DYM: variants seen among roughly 807,000 people sequenced by gnomAD.
DYM encodes dyggve-Melchior-Clausen syndrome protein.
DYM carries 78 observed loss-of-function variants against 93.1 expected under a neutral mutation model. That is an observed-to-expected ratio of 0.84 (90% CI 0.70 to 1.01). DYM has a LOEUF of 1.01. Among genes scored for constraint, DYM ranks in the 50% least tolerant of loss-of-function variants. The pLI, the probability that DYM is intolerant of heterozygous loss-of-function variation, is 0.00. For missense variants in DYM, 789 were observed against 845.0 expected (o/e 0.93, Z 0.82); for synonymous variants, 321 against 319.7 (o/e 1.00, Z -0.04).
intron 8 of DYM, among the ~76,000 whole-genome samples, chr18:49,316,237 G>A (rs575966151): frequency 1.4e-4 from 21 of 152,166 alleles, no homozygotes; most frequent in East Asian, 3.9e-4. Flanking sequence ...AGCCAAGATC[G>A]CGCCATTATA....
chr18:49,274,462 C>A lies in DYM; in HGVS notation c.1126-2159G>T, dbSNP rs1224329163. Among the ~76,000 whole-genome samples the A allele has an allele frequency of 2.0e-5, 3 of 152,114 alleles. No homozygotes were observed. The East Asian group carries it at 5.8e-4, about 29-fold the overall frequency. ...CAATGCTTCTATAAACATTCATTTA[C>A]AAGTTTTCCTGCAGACATATACTCA... is the stretch of plus-strand genomic sequence containing the variant. On this transcript the variant is annotated intron_variant, in intron 10 of 17. Coordinates refer to ENST00000675505, the MANE Select transcript of DYM (RefSeq NM_001353214.3).
At chr18:49,237,045 AT>A (rs59035671) in intron 13 of DYM, among the ~76,000 whole-genome samples, 34 of 152,244 alleles carry the variant, frequency 2.2e-4, no homozygotes, top group South Asian at 4.1e-4. Context: ...TTCATGCTCA[AT>A]TTTATTAAGC....
chr18:49,266,659 T>A (rs2094574811), intron 11 of DYM, among the ~76,000 whole-genome samples: 1 of 152,342 alleles, frequency 6.6e-6, no homozygotes, highest in Non-Finnish European at 1.5e-5. Flanking sequence ...GTTCACCTAA[T>A]GTTAATAGTT....
At chr18:49,308,638 C>T (rs1002069479) in intron 8 of DYM, among the ~76,000 whole-genome samples, 1 of 152,168 alleles carries the variant, frequency 6.6e-6, no homozygotes, top group African/African-American at 2.4e-5. Context: ...CAGGGAGCTA[C>T]AAACTTGCAA....
intron 16 of DYM, among the ~76,000 whole-genome samples, chr18:49,102,635 C>T (rs935481404): frequency 1.3e-5 from 2 of 152,128 alleles, no homozygotes; most frequent in Non-Finnish European, 2.9e-5. Flanking sequence ...TCTCATTGTT[C>T]AATTCCCACC....
intron 10 of DYM, among the ~76,000 whole-genome samples, chr18:49,281,558 G>A (rs1368882417): frequency 6.6e-6 from 1 of 152,174 alleles, no homozygotes; most frequent in East Asian, 1.9e-4. Flanking sequence ...CAAGCCAAAT[G>A]TCCAACAATG....
Position 49,038,668 on chromosome 18 carries a change from GCTTT to G in DYM, c.*5383_*5386del, listed in dbSNP as rs1356920187. Among the ~76,000 whole-genome samples, 2 of 152,114 alleles carry G rather than the reference GCTTT, an allele frequency of 1.3e-5. No homozygotes were observed. The highest frequency in any genetic ancestry group is 2.9e-5 in the Non-Finnish European group (2 of 68,000). On this transcript the variant is annotated 3_prime_UTR_variant, in exon 18 of 18. Coordinates refer to ENST00000675505, the MANE Select transcript of DYM (RefSeq NM_001353214.3). ...ATAATGGATTTATCACAAATATCTT[GCTTT>G]CTATTTGTTCCACCTGTTCTGCTTT...
chr18:49,217,445 A>T (rs1046451946), intron 13 of DYM, among the ~76,000 whole-genome samples: 1 of 152,142 alleles, frequency 6.6e-6, no homozygotes, highest in Non-Finnish European at 1.5e-5. Context: ...TCCAAGACAC[A>T]TAATTGTCAG....
rs148368501 is a variant in DYM, at chr18:49,331,812, A to G, written c.763+52T>C. 4.7e-5 allele frequency: 75 copies of G among 1,606,452 alleles called. No homozygotes were observed. In the East Asian group the frequency reaches 1.3e-3, roughly 29 times the overall value. On this transcript the variant is annotated intron_variant, in intron 8 of 17. Transcript: ENST00000675505. ...AGCAAACAGAATTTCTTATGCCTAA[A>G]TAGATAAAATTTATGTGCACCAAAG...
At chr18:49,361,461 C>A in intron 6 of DYM, among the ~76,000 whole-genome samples, 1 of 152,186 alleles carries the variant, frequency 6.6e-6, no homozygotes, top group Non-Finnish European at 1.5e-5. Context: ...TGATGAGAAA[C>A]ATTAAAATCT....
At chr18:49,430,227 A>T (rs1309244677) in intron 2 of DYM, 28 bp downstream of exon 2, 4 of 1,612,194 alleles carry the variant, frequency 2.5e-6, no homozygotes, top group Non-Finnish European at 2.5e-6. Context: ...CCTCTATTCA[A>T]ATTTTCAATC....
intron 8 of DYM, among the ~76,000 whole-genome samples, chr18:49,312,030 C>G (rs1325998903): frequency 1.3e-5 from 2 of 152,126 alleles, no homozygotes; most frequent in African/African-American, 2.4e-5. Context: ...TTCTCATACA[C>G]TGGCCATCTT....
intron 17 of DYM, among the ~76,000 whole-genome samples, chr18:49,050,080 CTTTTTTTTTTTTT>C (rs555098372): frequency 0.023 from 2,439 of 106,950 alleles, 90 homozygotes; most frequent in African/African-American, 0.086. Flanking sequence ...AGGTAACTTC[CTTTTTTTTTTTTT>C]TTTTTTTTTT....
In DYM at chr18:49,264,068, A is replaced by T. The variant is rs1436962606; in HGVS notation, c.1252-5575T>A. On this transcript the variant is annotated intron_variant, in intron 11 of 17. Coordinates refer to ENST00000675505, the MANE Select transcript of DYM (RefSeq NM_001353214.3). ...CTACACTGATAACCTGCCTCCCCAG[A>T]GGCAGCCACTATCCTGAAATTGGAT... 6.0e-5 allele frequency among the ~76,000 whole-genome samples: 9 copies of T among 149,786 alleles called. No homozygotes were observed. The East Asian group carries it at 1.8e-3, about 29-fold the overall frequency.
chr18:49,354,775 C>T (rs1428207232), intron 6 of DYM, among the ~76,000 whole-genome samples: 2 of 152,050 alleles, frequency 1.3e-5, no homozygotes, highest in African/African-American at 4.8e-5. Context: ...ACTAACACCA[C>T]CAAACGCTGA....
chr18:49,153,839 G>A (rs1376184435), intron 15 of DYM, among the ~76,000 whole-genome samples: 1 of 152,018 alleles, frequency 6.6e-6, no homozygotes, highest in Admixed American at 6.6e-5. Flanking sequence ...AAAATTTGTG[G>A]GAAAATTTGT....
chr18:49,377,156 C>T (rs1317580973), intron 5 of DYM, among the ~76,000 whole-genome samples: 1 of 152,174 alleles, frequency 6.6e-6, no homozygotes, highest in African/African-American at 2.4e-5. Flanking sequence ...AATGATATAA[C>T]CAGAATTTCC....
chr18:49,154,142 A>T (rs1249970887), intron 15 of DYM, among the ~76,000 whole-genome samples: 2 of 152,180 alleles, frequency 1.3e-5, no homozygotes, highest in Non-Finnish European at 2.9e-5. Context: ...ATAACTGACT[A>T]GTAGTCTTTA....
chr18:49,300,397 T>G (rs1214620271), intron 8 of DYM, among the ~76,000 whole-genome samples: 1 of 152,026 alleles, frequency 6.6e-6, no homozygotes, highest in East Asian at 1.9e-4. Flanking sequence ...CTCAGGAGTT[T>G]GAGACCAGCC....
Sources: gnomAD v4.1 joint callset for allele counts (sites outside exome capture counted in the v4.1 genomes callset) on GRCh38, gnomAD v4.1.1 for gene constraint, MANE v1.5 for transcripts, NCBI Gene and HGNC (gene_info 2026-07-23, HGNC 2026-07-21) for gene names.